CC2D2A: variants seen among roughly 807,000 people sequenced by gnomAD.
CC2D2A encodes the protein coiled-coil and C2 domain containing 2A.
Under a neutral mutation model 212.9 loss-of-function variants are expected in CC2D2A, and 155 were observed. The ratio of observed to expected loss-of-function variants is 0.73; its 90% CI spans 0.64 to 0.83. The LOEUF is 0.83. CC2D2A is among the 40% of genes least tolerant of loss of function. The pLI is 0.00. For synonymous variants in CC2D2A, 667 were observed against 686.5 expected, an observed-to-expected ratio of 0.97 and a Z score of 0.44; for missense variants, 1,856 against 1,956.2, an observed-to-expected ratio of 0.95 and a Z score of 0.97.
chr4:15,559,286 A>G, intron 22 of CC2D2A, 29 bp downstream of exon 22: 1 of 1,430,416 alleles, frequency 7.0e-7, no homozygotes, highest in Non-Finnish European at 9.6e-7. Flanking sequence ...AACTGTCTTC[A>G]TAGGGAGAAA....
intron 28 of CC2D2A, among the ~76,000 whole-genome samples, chr4:15,573,042 T>G (rs11943107): frequency 6.6e-6 from 1 of 152,050 alleles, no homozygotes; most frequent in African/African-American, 2.4e-5. Flanking sequence ...GCTGATCAGA[T>G]GGTGCCCACC....
intron 4 of CC2D2A, among the ~76,000 whole-genome samples, chr4:15,487,721 T>C (rs1715073567): frequency 1.3e-5 from 2 of 152,042 alleles, no homozygotes; most frequent in Non-Finnish European, 2.9e-5. Context: ...TTGTTAGTCC[T>C]CTCTTCCTTT....
chr4:15,576,334 A>G (rs1347443421), intron 29 of CC2D2A: 1 of 976,612 alleles, frequency 1.0e-6, no homozygotes, highest in African/African-American at 1.8e-5. Context: ...TAGGGTCAAC[A>G]ACCTGGAATT....
intron 17 of CC2D2A, among the ~76,000 whole-genome samples, chr4:15,545,716 AAGATG>A (rs1560175464): frequency 5.5e-5 from 3 of 54,870 alleles, no homozygotes; most frequent in Non-Finnish European, 1.3e-4. Flanking sequence ...TAGAAATGGG[AAGATG>A]GGAAGAAGGA....
chr4:15,576,463 TA>T, intron 29 of CC2D2A: 1 of 614,562 alleles, frequency 1.6e-6, no homozygotes, highest in Non-Finnish European at 2.0e-6. Flanking sequence ...GGAAAATTTT[TA>T]AAGATGGGTA....
chr4:15,514,593 G>A, intron 8 of CC2D2A, 114 bp from the exon 9 acceptor site: 1 of 826,342 alleles, frequency 1.2e-6, no homozygotes. Context: ...TTTAAAAAAA[G>A]GAAAAGATAA....
chr4:15,553,288 G>A lies in CC2D2A; in HGVS notation c.2469G>A (p.Gln823=). 6.2e-7 allele frequency: 1 copy of A among 1,612,890 alleles called. No homozygotes were observed. Among genetic ancestry groups the A allele is most frequent in the Non-Finnish European group, 8.5e-7 (1 of 1,179,478 alleles). The change falls in exon 19 of 37, where the codon CAG becomes CAA. Residue 823 remains glutamine (Q), a synonymous_variant. Transcript: ENST00000424120. ...GIPLIPPLSQ[Q]NIGFRSALKK... ...CTTTAATTCCTCCATTGTCACAGCA[G>A]AACATCGGATTTCGGAGGTAATACA... is the stretch of plus-strand genomic sequence containing the variant.
In CC2D2A at chr4:15,599,739, G is replaced by C. The variant is rs1308790577; in HGVS notation, c.4674+33G>C. Reference sequence around the variant, plus strand: ...ACAAATGGATCCTAAACTGACTGTGGATTTCCTTGTTTCAAATTGGAAATT... The same window carrying C: ...ACAAATGGATCCTAAACTGACTGTGCATTTCCTTGTTTCAAATTGGAAATT... On this transcript the variant is annotated intron_variant, in intron 36 of 36. Coordinates refer to ENST00000424120, the MANE Select transcript of CC2D2A (RefSeq NM_001378615.1). 9.3e-6 allele frequency: 14 copies of C among 1,510,404 alleles called. No individual in the cohort carries two copies. The African/African-American group carries it at 1.1e-4, about 12-fold the overall frequency. 93.6% of individuals were successfully genotyped at this position (1,510,404 alleles called of 1,614,324 possible).
chr4:15,537,814 C>A, intron 15 of CC2D2A, 85 bp from the exon 16 acceptor site: 1 of 1,395,120 alleles, frequency 7.2e-7, no homozygotes, highest in Non-Finnish European at 9.8e-7. Context: ...GGGTTTGTAT[C>A]CAGGTCCATC....
At chr4:15,590,585 G>A (rs778342971) in intron 33 of CC2D2A, among the ~76,000 whole-genome samples, 12 of 152,114 alleles carry the variant, frequency 7.9e-5, no homozygotes, top group Non-Finnish European at 1.5e-4. Flanking sequence ...TAGTTGTGTG[G>A]GCTTGGGAAA....
chr4:15,532,413 A>C (rs1717893528), intron 13 of CC2D2A, among the ~76,000 whole-genome samples: 1 of 152,184 alleles, frequency 6.6e-6, no homozygotes, highest in Non-Finnish European at 1.5e-5. Flanking sequence ...GAAATGCTAC[A>C]TCCTTGGTTC....
chr4:15,595,009 C>T (rs1236791218), intron 33 of CC2D2A, among the ~76,000 whole-genome samples: 4 of 152,032 alleles, frequency 2.6e-5, no homozygotes, highest in South Asian at 2.1e-4. Context: ...GATGGGGGGT[C>T]TCACTATGCT....
At chr4:15,588,370 A>G (rs921830013) in intron 32 of CC2D2A, among the ~76,000 whole-genome samples, 1 of 152,222 alleles carries the variant, frequency 6.6e-6, no homozygotes, top group Non-Finnish European at 1.5e-5. Flanking sequence ...CCTGGCATGC[A>G]AAGGGGAATA....
intron 4 of CC2D2A, among the ~76,000 whole-genome samples, chr4:15,483,555 A>C (rs1305429986): frequency 6.6e-6 from 1 of 152,232 alleles, no homozygotes; most frequent in South Asian, 2.1e-4. Context: ...TTTTGAAAGA[A>C]GGAGTGTCAA....
In CC2D2A at chr4:15,496,426, G is replaced by A. The variant is rs1188353771; in HGVS notation, c.248-6003G>A. On this transcript the variant is annotated intron_variant, in intron 4 of 36. Coordinates refer to ENST00000424120, the MANE Select transcript of CC2D2A (RefSeq NM_001378615.1). ...TTTTTGTATATGGTGAAAGGAAAGA[G>A]TCTTCTGCACATGGCTAGCCAGTTA... Among the ~76,000 whole-genome samples, 6 of 152,160 alleles carry A rather than the reference G, an allele frequency of 3.9e-5. No individual in the cohort carries two copies. In the South Asian group the frequency reaches 1.2e-3, roughly 32 times the overall value.
chr4:15,542,256 T>G (rs751997097), intron 17 of CC2D2A, among the ~76,000 whole-genome samples: 40 of 152,218 alleles, frequency 2.6e-4, no homozygotes, highest in Non-Finnish European at 5.0e-4. Context: ...CCCATTACAG[T>G]GTCTTCAGTC....
At chr4:15,479,285 C>A in intron 3 of CC2D2A, 1 of 1,537,220 alleles carries the variant, frequency 6.5e-7, no homozygotes, top group Non-Finnish European at 8.7e-7. Flanking sequence ...CAGGAGTTCC[C>A]CTCCTAGGCT....
rs1425158863 is a variant in CC2D2A, at chr4:15,515,964, A to G, written c.977A>G (p.Asn326Ser). The G allele has an allele frequency of 1.1e-5, 18 of 1,584,762 alleles. No individual in the cohort carries two copies. In the East Asian group the frequency reaches 3.2e-4, roughly 28 times the overall value. The stretch of plus-strand genomic sequence containing the variant: ...GTAAGACCAGAGGTGGCACGCACCA[A>G]TCAGAACATCATGGAGAACAGATTG... Reference protein sequence around the residue: ...TGVRPEVARTNQNIMENRLLM... With the variant: ...TGVRPEVARTSQNIMENRLLM... Residue 326 changes from asparagine (N) to serine (S), a missense_variant, in exon 10 of 37, where the codon AAT becomes AGT. Around this residue, in one of 5 missense-constraint regions of CC2D2A, gnomAD observed 1,512 missense variants for 1,579.3 expected, o/e 0.96. Transcript: ENST00000424120.
At chr4:15,508,221 C>T (rs1716367722) in intron 6 of CC2D2A, among the ~76,000 whole-genome samples, 1 of 152,194 alleles carries the variant, frequency 6.6e-6, no homozygotes, top group African/African-American at 2.4e-5. Context: ...GTTAAACTCT[C>T]TTGCCCACAG....
Sources: gnomAD v4.1 joint callset for allele counts (sites outside exome capture counted in the v4.1 genomes callset) on GRCh38, gnomAD v4.1.1 for gene constraint, gnomAD v4.1.1 regional missense constraint, MANE v1.5 for transcripts, NCBI Gene and HGNC (gene_info 2026-07-23, HGNC 2026-07-21) for gene names.